Variants in C10orf71 observed in about 807,000 individuals in gnomAD.
C10orf71 encodes the protein chromosome 10 open reading frame 71, also known as cardiac-enriched FHL2-interacting protein.
For missense variants in C10orf71, 1,869 were observed against 1,804.5 expected, an observed-to-expected ratio of 1.04 and a Z score of -0.65; for synonymous variants, 758 against 726.3, an observed-to-expected ratio of 1.04 and a Z score of -0.70.
At chr10:49,310,790 ATGATGATGATGG>A (rs1182940087) in intron 1 of C10orf71, among the ~76,000 whole-genome samples, 4 of 151,238 alleles carry the variant, frequency 2.6e-5, no homozygotes, top group African/African-American at 7.3e-5. Context: ...GATGATGATG[ATGATGATGATGG>A]TGATGATGAT....
rs759467116 is a variant in C10orf71, at chr10:49,326,571, C to T, written c.4026C>T (p.Pro1342=). 1.4e-5 allele frequency: 21 copies of T among 1,550,544 alleles called. No individual in the cohort carries two copies. The South Asian group carries it at 1.7e-4, about 12-fold the overall frequency. The change falls in exon 3 of 3, where the codon CCC becomes CCT. Residue 1342 remains proline (P), a synonymous_variant. Transcript: ENST00000374144. ...YVLYPGFQPV[P]VTALMPLRCS... is the part of the protein sequence containing the mutation. ...TGTACCCCGGCTTCCAGCCAGTGCC[C>T]GTGACGGCCTTGATGCCGCTGCGCT...
rs983025206 is a variant in C10orf71, at chr10:49,326,480, T to G, written c.3935T>G (p.Ile1312Ser). 6.5e-7 allele frequency: 1 copy of G among 1,550,092 alleles called. No homozygotes were observed. Among genetic ancestry groups the G allele is most frequent in the Non-Finnish European group, 8.7e-7 (1 of 1,146,714 alleles). The change falls in exon 3 of 3, where the codon ATC becomes AGC. Residue 1312 changes from isoleucine to serine, a missense_variant. Ile to Ser is a moderately radical substitution (Grantham distance 142). Transcript: ENST00000374144. ...PETGKYVKVS[I>S]PSSEGASPEP... Reference sequence around the variant, plus strand: ...ACGGGCAAGTATGTCAAGGTCTCCATCCCGTCCTCCGAGGGGGCCTCCCCA... The same window carrying G: ...ACGGGCAAGTATGTCAAGGTCTCCAGCCCGTCCTCCGAGGGGGCCTCCCCA...
intron 1 of C10orf71, 86 bp downstream of exon 1, chr10:49,299,319 T>C (rs1848683471): frequency 1.3e-5 from 2 of 152,248 alleles, no homozygotes; most frequent in African/African-American, 4.8e-5. Context: ...AGAGGAGGCT[T>C]GGGTCCTGAA....
chr10:49,326,399 A>G lies in C10orf71; in HGVS notation c.3854A>G (p.Tyr1285Cys). ...CTCCAGGATCCGCAGTCCGGGGAGTACTTTGTCTTCGACTTGCCACTCCAG... is the reference window on the plus strand; with the variant it reads ...CTCCAGGATCCGCAGTCCGGGGAGTGCTTTGTCTTCGACTTGCCACTCCAG... The part of the protein sequence containing the change: ...KVLQDPQSGE[Y>C]FVFDLPLQVK... Residue 1285 changes from tyrosine (Y) to cysteine (C), a missense_variant, in exon 3 of 3, where the codon TAC becomes TGC. Coordinates refer to ENST00000374144, the MANE Select transcript of C10orf71 (RefSeq NM_001135196.2). 6.4e-7 allele frequency: 1 copy of G among 1,550,512 alleles called. No homozygotes were observed. The highest frequency in any genetic ancestry group is 8.7e-7 in the Non-Finnish European group (1 of 1,146,896).
chr10:49,307,600 G>A (rs1313723197), intron 1 of C10orf71, among the ~76,000 whole-genome samples: 4 of 152,134 alleles, frequency 2.6e-5, no homozygotes, highest in Admixed American at 6.5e-5. Flanking sequence ...ATGCAGAGGC[G>A]CACCAGAGCC....
chr10:49,325,322 G>C lies in C10orf71; in HGVS notation c.2777G>C (p.Arg926Pro), dbSNP rs755957643. The change falls in exon 3 of 3, where the codon CGT becomes CCT. Residue 926 changes from arginine to proline, a missense_variant. Arg to Pro is a moderately radical substitution (Grantham distance 103). Transcript: ENST00000374144. ...TSTPTNTRGT[R>P]VKCMANEVME... ...ACACCCACTAACACACGGGGCACAC[G>C]TGTGAAGTGCATGGCCAACGAGGTC... 4.5e-6 allele frequency: 7 copies of C among 1,551,626 alleles called. No homozygotes were observed. In the African/African-American group the frequency reaches 8.2e-5, roughly 18 times the overall value.
intron 2 of C10orf71, among the ~76,000 whole-genome samples, chr10:49,321,400 T>C (rs1849091378): frequency 6.6e-6 from 1 of 152,222 alleles, no homozygotes; most frequent in Non-Finnish European, 1.5e-5. Flanking sequence ...AATTTCCTGC[T>C]TCTTTAAGGT....
Position 49,325,570 on chromosome 10 carries a change from G to C in C10orf71, c.3025G>C (p.Gly1009Arg). ...WHIPTIALPE[G>R]DIEDQPPPWQ... Reference sequence around the variant, plus strand: ...CATCCCCACCATTGCTTTACCCGAGGGTGACATAGAAGACCAGCCACCCCC... The same window carrying C: ...CATCCCCACCATTGCTTTACCCGAGCGTGACATAGAAGACCAGCCACCCCC... The change falls in exon 3 of 3, where the codon GGT (glycine) becomes CGT (arginine). Residue 1009 changes from glycine to arginine, a missense_variant. Physicochemically the swap from Gly to Arg is moderately radical, Grantham distance 125. Transcript: ENST00000374144. The C allele has an allele frequency of 6.4e-7, 1 of 1,550,808 alleles. No individual in the cohort carries two copies.
At position 49,325,835 on chromosome 10, in the gene C10orf71, G is replaced by GC. The variant is rs1463166918; in HGVS notation, c.3294dup (p.Trp1099LeufsTer26). ...CTTCCCGAGGAGCCTAATCAAGCCAGCCCCTGGGCCAGCTCCAGTCCTGCC... is the reference window on the plus strand; with the variant it reads ...CTTCCCGAGGAGCCTAATCAAGCCAGCCCCCTGGGCCAGCTCCAGTCCTGCC... On this transcript the variant is annotated frameshift_variant, in exon 3 of 3. Transcript: ENST00000374144. LOFTEE classifies it low-confidence loss of function (END_TRUNC). 6.4e-7 allele frequency: 1 copy of GC among 1,551,352 alleles called. No individual in the cohort carries two copies.
chr10:49,320,709 G>C (rs1192652587), intron 2 of C10orf71, among the ~76,000 whole-genome samples: 3 of 152,170 alleles, frequency 2.0e-5, no homozygotes, highest in Non-Finnish European at 4.4e-5. Flanking sequence ...AGAACCAATA[G>C]GATATGTGGC....
At position 49,326,351 on chromosome 10, in the gene C10orf71, C is replaced by T. The variant is rs924510693; in HGVS notation, c.3806C>T (p.Ala1269Val). Residue 1269 changes from alanine to valine, a missense_variant, in exon 3 of 3, where the codon GCG (alanine) becomes GTG (valine). Coordinates refer to ENST00000374144, the MANE Select transcript of C10orf71 (RefSeq NM_001135196.2). ...CCCCAGTCCCTCACACCCCTGCCCGCGTACCCCGCCACCCAGAAGGTCCTC... is the reference window on the plus strand; with the variant it reads ...CCCCAGTCCCTCACACCCCTGCCCGTGTACCCCGCCACCCAGAAGGTCCTC... ...GGPQSLTPLPAYPATQKVLQD... is the reference protein window; with the variant it reads ...GGPQSLTPLPVYPATQKVLQD... The T allele has an allele frequency of 9.0e-6, 14 of 1,550,276 alleles. No homozygotes were observed. The Admixed American group carries it at 1.8e-4, about 20-fold the overall frequency.
At position 49,324,330 on chromosome 10, in the gene C10orf71, G is replaced by T. The variant is rs371550755; in HGVS notation, c.1785G>T (p.Pro595=). 6.2e-7 allele frequency: 1 copy of T among 1,613,774 alleles called. No individual in the cohort carries two copies. Among genetic ancestry groups the T allele is most frequent in the Non-Finnish European group, 8.5e-7 (1 of 1,179,840 alleles). Residue 595 remains proline (P), a synonymous_variant, in exon 3 of 3, where the codon CCG becomes CCT. Coordinates refer to ENST00000374144, the MANE Select transcript of C10orf71 (RefSeq NM_001135196.2). The stretch of plus-strand genomic sequence containing the variant: ...GCTATCTAACTCTTAGCACAGCTCC[G>T]ACTATCGCCAAAGCCCCCTTCTATG... ...ADSYLTLSTA[P]TIAKAPFYVN...
In C10orf71 at chr10:49,326,812, A is replaced by G. The variant is rs775455400; in HGVS notation, c.4267A>G (p.Thr1423Ala). ...VEAPGLGIISTDDLEDFATEG... is the reference protein window; with the variant it reads ...VEAPGLGIISADDLEDFATEG... ...AGCTCCAGGCCTGGGCATCATCTCC[A>G]CTGATGACCTAGAGGACTTTGCCAC... The change falls in exon 3 of 3, where the codon ACT becomes GCT. Residue 1423 changes from threonine to alanine, a missense_variant. Coordinates refer to ENST00000374144, the MANE Select transcript of C10orf71 (RefSeq NM_001135196.2). 10 of 1,548,824 alleles carry G rather than the reference A, an allele frequency of 6.5e-6. No individual in the cohort carries two copies. The Admixed American group carries it at 1.4e-4, about 21-fold the overall frequency.
At chr10:49,317,924 G>A (rs185262467) in intron 2 of C10orf71, among the ~76,000 whole-genome samples, 138 of 152,278 alleles carry the variant, frequency 9.1e-4, no homozygotes, top group African/African-American at 3.0e-3. Flanking sequence ...GAGGGAAGAT[G>A]ATGTGAAGAC....
intron 1 of C10orf71, among the ~76,000 whole-genome samples, chr10:49,304,845 C>T (rs1031588687): frequency 6.6e-6 from 1 of 152,246 alleles, no homozygotes. Flanking sequence ...ACAAGGCTCT[C>T]CAAGGTGGAA....
intron 1 of C10orf71, among the ~76,000 whole-genome samples, chr10:49,306,616 G>A (rs968473689): frequency 3.3e-5 from 5 of 152,218 alleles, no homozygotes; most frequent in Admixed American, 3.3e-4. Context: ...CTCAGCCAGG[G>A]GTGATTTTGG....
At chr10:49,317,279 T>G (rs1288598315) in intron 2 of C10orf71, among the ~76,000 whole-genome samples, 1 of 152,186 alleles carries the variant, frequency 6.6e-6, no homozygotes, top group Non-Finnish European at 1.5e-5. Flanking sequence ...GGTGCTGCCG[T>G]GGGCTCATGG....
chr10:49,326,043 A>T lies in C10orf71; in HGVS notation c.3498A>T (p.Thr1166=), dbSNP rs1590343825. Residue 1166 remains threonine, a synonymous_variant, in exon 3 of 3, where the codon ACA becomes ACT. Coordinates refer to ENST00000374144, the MANE Select transcript of C10orf71 (RefSeq NM_001135196.2). Reference sequence around the variant, plus strand: ...AGCTTCCTGCACAGCTAGAGAGGACAGCAAGCAAGCCACCTGCAGTCCCAC... The same window carrying T: ...AGCTTCCTGCACAGCTAGAGAGGACTGCAAGCAAGCCACCTGCAGTCCCAC... ...RLELPAQLER[T]ASKPPAVPPK... 1 of 1,551,730 alleles carries T rather than the reference A, an allele frequency of 6.4e-7. No individual in the cohort carries two copies.
Position 49,326,089 on chromosome 10 carries a change from C to A in C10orf71, c.3544C>A (p.Arg1182=). ...CCCACCCAAAACAGAGAAAGCCCTG[C>A]GGCGGGCAAAGAAGCTGGCAAGTAA... The part of the protein sequence containing the change: ...AVPPKTEKAL[R]RAKKLASKRR... Residue 1182 remains arginine, a synonymous_variant, in exon 3 of 3, where the codon CGG becomes AGG. Transcript: ENST00000374144. 2 of 1,551,730 alleles carry A rather than the reference C, an allele frequency of 1.3e-6. No individual in the cohort carries two copies. The highest frequency in any genetic ancestry group is 1.7e-4 in the Middle Eastern group (1 of 5,992).
Sources: gnomAD v4.1 joint callset for allele counts (sites outside exome capture counted in the v4.1 genomes callset) on GRCh38, gnomAD v4.1.1 for gene constraint, MANE v1.5 for transcripts, NCBI Gene and HGNC (gene_info 2026-07-23, HGNC 2026-07-21) for gene names.